The following WDR62 variants were observed in gnomAD, a reference collection of about 807,000 sequenced individuals.
WDR62 encodes the protein WD repeat domain 62.
In WDR62, 112 loss-of-function variants were observed where a neutral mutation model predicts 160.6. That is an observed-to-expected ratio of 0.70 (90% confidence interval 0.60 to 0.82). The LOEUF is 0.82. Among genes scored for constraint, WDR62 ranks in the 40% least tolerant of loss-of-function variants. The pLI is 0.00. For missense variants in WDR62, 1,819 were observed against 1,983.8 expected, an observed-to-expected ratio of 0.92 and a Z score of 1.58; for synonymous variants, 792 against 815.1, an observed-to-expected ratio of 0.97 and a Z score of 0.48.
intron 6 of WDR62, 55 bp downstream of exon 6, chr19:36,067,498 G>A (rs1971004241): frequency 1.2e-6 from 2 of 1,611,210 alleles, no homozygotes; most frequent in Non-Finnish European, 1.7e-6. Flanking sequence ...ACCATCGGTG[G>A]CAGCATGGTC....
intron 21 of WDR62, among the ~76,000 whole-genome samples, chr19:36,097,951 G>T (rs1043449483): frequency 6.6e-6 from 1 of 152,188 alleles, no homozygotes; most frequent in Admixed American, 6.5e-5. Flanking sequence ...AACAGGAAAG[G>T]CCTCATTGGG....
At chr19:36,096,876 C>T (rs774395032) in intron 20 of WDR62, 151 bp from the exon 21 acceptor site, 17 of 740,640 alleles carry the variant, frequency 2.3e-5, no homozygotes, top group African/African-American at 8.7e-5. Flanking sequence ...TCGCATCCCA[C>T]GGTTTAAGTT....
In WDR62 at chr19:36,093,945, T is replaced by C. The variant is rs1355496080; in HGVS notation, c.2334-86T>C. On this transcript the variant is annotated intron_variant, in intron 19 of 31. Coordinates refer to ENST00000401500, the MANE Select transcript of WDR62 (RefSeq NM_001083961.2). ...GCCAAGAATATGTTCACATGGAGCT[T>C]AGCACAGGGCCCAGCCCTAGGCAAG... 9 of 1,549,026 alleles carry C rather than the reference T, an allele frequency of 5.8e-6. No individual in the cohort carries two copies. The South Asian group carries it at 1.0e-4, about 17-fold the overall frequency.
intron 24 of WDR62, 82 bp downstream of exon 24, chr19:36,101,399 C>T: frequency 8.1e-7 from 1 of 1,237,532 alleles, no homozygotes; most frequent in Non-Finnish European, 1.2e-6. Context: ...GTGACTTTGA[C>T]CCAGTACTGA....
chr19:36,104,919 C>T lies in WDR62; in HGVS notation c.4463C>T (p.Pro1488Leu), dbSNP rs572570068. The T allele has an allele frequency of 1.7e-5, 27 of 1,609,842 alleles. No homozygotes were observed. The highest frequency in any genetic ancestry group is 1.3e-4 in the Admixed American group (8 of 59,868). Residue 1488 changes from proline to leucine, a missense_variant, in exon 32 of 32, where the codon CCG becomes CTG. By Grantham distance (98) the Pro-to-Leu change is moderately conservative (BLOSUM62 -3). Coordinates refer to ENST00000401500, the MANE Select transcript of WDR62 (RefSeq NM_001083961.2). ...CAGGCTCTGCCCAGCCCAGGACCCC[C>T]GTCCCCACCGACGCTGTACCCCCTG... ...PAQALPSPGP[P>L]SPPTLYPLAS...
Position 36,101,277 on chromosome 19 carries a change from G to C in WDR62, c.2931G>C (p.Arg977Ser), listed in dbSNP as rs775333202. ...PGDQQGDSYL[R>S]VSSDSPKDQS... ...ACCAGCAGGGCGACTCCTACCTCAGGGTGTCCTCCGACAGCCCAAAGGACC... is the reference window on the plus strand; with the variant it reads ...ACCAGCAGGGCGACTCCTACCTCAGCGTGTCCTCCGACAGCCCAAAGGACC... Residue 977 changes from arginine (R) to serine (S), a missense_variant, in exon 24 of 32, where the codon AGG becomes AGC. This residue lies in a region of WDR62 where 770 missense variants were observed against 734.2 expected (regional missense o/e 1.05). Coordinates refer to ENST00000401500, the MANE Select transcript of WDR62 (RefSeq NM_001083961.2). 4.3e-6 allele frequency: 7 copies of C among 1,612,772 alleles called. No homozygotes were observed. The South Asian group carries it at 7.7e-5, about 18-fold the overall frequency.
At position 36,093,971 on chromosome 19, in the gene WDR62, TC is replaced by T; in HGVS notation, c.2334-56del. The T allele has an allele frequency of 1.9e-6, 3 of 1,607,306 alleles. No homozygotes were observed. In the South Asian group the frequency reaches 3.3e-5, roughly 18 times the overall value. ...AGCACAGGGCCCAGCCCTAGGCAAG[TC>T]CCCACCACCAGCCCATTTGCCTGTA... is the stretch of plus-strand genomic sequence containing the variant. On this transcript the variant is annotated intron_variant, in intron 19 of 31. Transcript: ENST00000401500.
chr19:36,067,919 G>A lies in WDR62; in HGVS notation c.791G>A (p.Arg264Gln), dbSNP rs765050364. ...TGTGGTGTGGCCTGCGGTCGGGGCC[G>A]GATGGCGGGCAGTACCTTCTGTGTG... ...IFCGVACGRG[R>Q]MAGSTFCVSY... Residue 264 changes from arginine (R) to glutamine (Q), a missense_variant, in exon 7 of 32, where the codon CGG (arginine) becomes CAG (glutamine). By Grantham distance (43) the Arg-to-Gln change is conservative (BLOSUM62 1). Transcript: ENST00000401500. 73 of 1,614,062 alleles carry A rather than the reference G, an allele frequency of 4.5e-5. No homozygotes were observed. In the East Asian group the frequency reaches 6.7e-4, roughly 15 times the overall value.
At chr19:36,089,541 A>G (rs1331037183) in intron 15 of WDR62, among the ~76,000 whole-genome samples, 2 of 152,154 alleles carry the variant, frequency 1.3e-5, no homozygotes, top group Non-Finnish European at 2.9e-5. Context: ...TCCTGGGTTC[A>G]AGTGATTCTC....
In WDR62 at chr19:36,071,621, A is replaced by G; in HGVS notation, c.948A>G (p.Ile316Met). 1.2e-6 allele frequency: 2 copies of G among 1,614,226 alleles called. No homozygotes were observed. Among genetic ancestry groups the G allele is most frequent in the Non-Finnish European group, 1.7e-6 (2 of 1,180,032 alleles). The change falls in exon 8 of 32, where the codon ATA becomes ATG. Residue 316 changes from isoleucine to methionine, a missense_variant. Transcript: ENST00000401500. ...TCTTCTGTGGCTGCACAGATGGGAT[A>G]GTCCGCATCTTCCAGGCCCATAGCC... ...ELIFCGCTDG[I>M]VRIFQAHSLH...
rs35753706 is a variant in WDR62 at position 36,085,414 on chromosome 19, C to CTTTT, written c.1642+690_1642+693dup. On this transcript the variant is annotated intron_variant, in intron 12 of 31. Coordinates refer to ENST00000401500, the MANE Select transcript of WDR62 (RefSeq NM_001083961.2). Reference sequence around the variant, plus strand: ...TAGGGCATGAGCCACCACACCTGACCTTTTTTTTTTTTTTTTTTTTTTTGA... The same window carrying CTTTT: ...TAGGGCATGAGCCACCACACCTGACCTTTTTTTTTTTTTTTTTTTTTTTTTTTGA... Among the ~76,000 whole-genome samples, 81 of 70,370 alleles carry CTTTT rather than the reference C, an allele frequency of 1.2e-3. 5 individuals are homozygous for CTTTT. Among genetic ancestry groups the CTTTT allele is most frequent in the South Asian group, 8.7e-3 (15 of 1,720 alleles). The allele number at this position is 70,370 out of a possible 152,430, so 46.2% of individuals were successfully genotyped here.
Position 36,099,463 on chromosome 19 carries a change from GC to G in WDR62, c.2587del (p.Arg863AlafsTer27), listed in dbSNP as rs1270980442. 13 of 1,613,948 alleles carry G rather than the reference GC, an allele frequency of 8.1e-6. No homozygotes were observed. Among genetic ancestry groups the G allele is most frequent in the Non-Finnish European group, 1.0e-5 (12 of 1,180,034 alleles). ...GCCAAGCGCAGCTACCAGCCCCACG[GC>G]CGCTGGGCAGAGCGGGCCGGCCAAG... is the stretch of plus-strand genomic sequence containing the variant. ...FHAKRSYQPH[G>X]RWAERAGQEP... On this transcript the variant is annotated frameshift_variant, in exon 22 of 32. Transcript: ENST00000401500. LOFTEE classifies it high-confidence loss of function.
chr19:36,086,881 A>G, intron 13 of WDR62, 69 bp downstream of exon 13: 3 of 1,553,616 alleles, frequency 1.9e-6, no homozygotes, highest in Non-Finnish European at 2.6e-6. Context: ...CATTCTTTCA[A>G]CTCTCCTGTA....
chr19:36,059,317 C>T (rs1970525390), intron 2 of WDR62, among the ~76,000 whole-genome samples: 1 of 152,194 alleles, frequency 6.6e-6, no homozygotes, highest in African/African-American at 2.4e-5. Context: ...TAGCCTGGCA[C>T]TGTGCTAAGG....
chr19:36,101,195 G>C lies in WDR62; in HGVS notation c.2868-19G>C, dbSNP rs759760384. The stretch of plus-strand genomic sequence containing the variant: ...CAGCTGAAGTCCTTGTTCCCTCTCT[G>C]CCCCCACTGGCACTGCAGCCAGTAT... On this transcript the variant is annotated intron_variant, in intron 23 of 31. Coordinates refer to ENST00000401500, the MANE Select transcript of WDR62 (RefSeq NM_001083961.2). 21 of 1,600,808 alleles carry C rather than the reference G, an allele frequency of 1.3e-5. No homozygotes were observed. The African/African-American group carries it at 2.7e-4, about 20-fold the overall frequency.
In WDR62 at chr19:36,104,873, G is replaced by A; in HGVS notation, c.4417G>A (p.Gly1473Arg). The A allele has an allele frequency of 6.2e-7, 1 of 1,612,730 alleles. No individual in the cohort carries two copies. The highest frequency in any genetic ancestry group is 8.5e-7 in the Non-Finnish European group (1 of 1,179,958). The change falls in exon 32 of 32, where the codon GGG (glycine) becomes AGG (arginine). Residue 1473 changes from glycine (G) to arginine (R), a missense_variant. By Grantham distance (125) the Gly-to-Arg change is moderately radical. Around this residue, in one of 3 missense-constraint regions of WDR62, gnomAD observed 770 missense variants for 734.2 expected, o/e 1.05. Coordinates refer to ENST00000401500, the MANE Select transcript of WDR62 (RefSeq NM_001083961.2). The part of the protein sequence containing the change: ...HSQLEAECLV[G>R]TSVAPAQALP... Reference sequence around the variant, plus strand: ...CCAGCTGGAGGCTGAATGCCTGGTGGGGACTAGTGTGGCCCCAGCCCAGGC... The same window carrying A: ...CCAGCTGGAGGCTGAATGCCTGGTGAGGACTAGTGTGGCCCCAGCCCAGGC...
At position 36,067,427 on chromosome 19, in the gene WDR62, TCTC is replaced by T. The variant is rs2145586990; in HGVS notation, c.685_687del (p.Ser229del). ...CATGTGAGGTTCTGGTTCTTGGAAGTCTCCACTGAGACAAAGGTGAGTTTCTGT... is the reference window on the plus strand; with the variant it reads ...CATGTGAGGTTCTGGTTCTTGGAAGTCACTGAGACAAAGGTGAGTTTCTGT... On this transcript the variant is annotated inframe_deletion, in exon 6 of 32. Transcript: ENST00000401500. 1 of 1,614,204 alleles carries T rather than the reference TCTC, an allele frequency of 6.2e-7. No individual in the cohort carries two copies. Among genetic ancestry groups the T allele is most frequent in the Non-Finnish European group, 8.5e-7 (1 of 1,180,038 alleles).
At position 36,103,642 on chromosome 19, in the gene WDR62, A is replaced by G; in HGVS notation, c.3814A>G (p.Thr1272Ala). Residue 1272 changes from threonine to alanine, a missense_variant, in exon 30 of 32, where the codon ACA becomes GCA. Thr to Ala is a moderately conservative substitution (Grantham distance 58). Coordinates refer to ENST00000401500, the MANE Select transcript of WDR62 (RefSeq NM_001083961.2). ...GQELQAITTA[T>A]TPSLDSEGQE... ...GGAGCTTCAGGCCATCACCACCGCG[A>G]CAACACCCAGTTTGGACAGTGAGGG... The G allele has an allele frequency of 1.9e-6, 3 of 1,608,170 alleles. No individual in the cohort carries two copies. The highest frequency in any genetic ancestry group is 2.5e-6 in the Non-Finnish European group (3 of 1,178,968).
At chr19:36,078,667 T>G (rs940570329) in intron 9 of WDR62, among the ~76,000 whole-genome samples, 1 of 151,742 alleles carries the variant, frequency 6.6e-6, no homozygotes, top group African/African-American at 2.4e-5. Flanking sequence ...AAACCCTGTC[T>G]CTGCTAAAAA....
Sources: gnomAD v4.1 joint callset for allele counts (sites outside exome capture counted in the v4.1 genomes callset) on GRCh38, gnomAD v4.1.1 for gene constraint, gnomAD v4.1.1 regional missense constraint, MANE v1.5 for transcripts, NCBI Gene and HGNC (gene_info 2026-07-23, HGNC 2026-07-21) for gene names.